Variants in JRK observed in about 807,000 individuals in gnomAD.
JRK encodes jerky protein homolog.
For missense variants in JRK, 720 were observed against 509.2 expected, an observed-to-expected ratio of 1.41 and a Z score of -3.98; for synonymous variants, 303 against 218.1, an observed-to-expected ratio of 1.39 and a Z score of -3.43.
rs782472721 is a variant in JRK, at chr8:142,662,764, G to A, written c.*1588C>T. 9.3e-5 allele frequency: 92 copies of A among 985,460 alleles called. No homozygotes were observed. Among genetic ancestry groups the A allele is most frequent in the South Asian group, 3.8e-4 (8 of 21,292 alleles). 61.0% of individuals were successfully genotyped at this position (985,460 alleles called of 1,614,324 possible). ...AACAGAGGTTTCAGTGGAATCAACA[G>A]CAGACGCTGGAATGCAAACTACGTG... On this transcript the variant is annotated 3_prime_UTR_variant, in exon 2 of 2. Transcript: ENST00000612905.
At chr8:142,649,393 T>C in the JRK span, among the ~76,000 whole-genome samples, 5 of 152,150 alleles carry the variant, frequency 3.3e-5, no homozygotes, top group African/African-American at 1.2e-4. Context: ...GGAAAGTCTT[T>C]CCCATGCTTT....
chr8:142,663,415 T>C lies in JRK; in HGVS notation c.*937A>G, dbSNP rs587598113. ...CTGGGGATAAGAGCACACATACTGC[T>C]AGAAATCTAAGCAGCCTGTTTTACT... On this transcript the variant is annotated 3_prime_UTR_variant, in exon 2 of 2. Transcript: ENST00000612905. The C allele has an allele frequency of 3.0e-6, 3 of 985,362 alleles. No individual in the cohort carries two copies. The highest frequency in any genetic ancestry group is 3.6e-6 in the Non-Finnish European group (3 of 829,956). 61.0% of individuals were successfully genotyped at this position (985,362 alleles called of 1,614,324 possible). A position where few individuals can be genotyped will look rare whatever the true frequency, so the allele number is the denominator to read the frequency against.
At position 142,664,610 on chromosome 8, in the gene JRK, C is replaced by A. The variant is rs1388318631; in HGVS notation, c.1449G>T (p.Glu483Asp). 1.9e-6 allele frequency: 3 copies of A among 1,610,032 alleles called. No individual in the cohort carries two copies. The Admixed American group carries it at 5.0e-5, about 27-fold the overall frequency. The change falls in exon 2 of 2, where the codon GAG becomes GAT. Residue 483 changes from glutamate to aspartate, a missense_variant. Physicochemically the swap from Glu to Asp is conservative, Grantham distance 45. Transcript: ENST00000612905. ...CGGCCGCCTGCTCCCAGGCCACCTC[C>A]TCGCCCTCACCAGGATCTCCTCTGC... is the stretch of plus-strand genomic sequence containing the variant. ...QDGRGDPGEG[E>D]EVAWEQAAVA...
rs59300327 is a variant in JRK, at chr8:142,669,163, A to AGTGTGTGTGTGTGT, written c.-463+755_-463+768dup. ...CGGGAAACAACCTTCGCAGGGGCATAGTGTGTGTGTGTGTGTGTGTGTGTG... is the reference window on the plus strand; with the variant it reads ...CGGGAAACAACCTTCGCAGGGGCATAGTGTGTGTGTGTGTGTGTGTGTGTGTGTGTGTGTGTGTG... On this transcript the variant is annotated intron_variant, in intron 1 of 1. Coordinates refer to ENST00000612905, the MANE Select transcript of JRK (RefSeq NM_003724.4). 4.0e-4 allele frequency among the ~76,000 whole-genome samples: 54 copies of AGTGTGTGTGTGTGT among 136,208 alleles called. No homozygotes were observed. The East Asian group carries it at 5.9e-3, about 15-fold the overall frequency. 89.4% of individuals were successfully genotyped at this position (136,208 alleles called of 152,430 possible).
At position 142,660,583 on chromosome 8, in the gene JRK, G is replaced by A. The variant is rs2129706292; in HGVS notation, c.*3769C>T. Reference sequence around the variant, plus strand: ...CCTGGCTCATTTTCTTTTACTTTCTGTAGAGATGGGGTCTCCCTATGTTGC... The same window carrying A: ...CCTGGCTCATTTTCTTTTACTTTCTATAGAGATGGGGTCTCCCTATGTTGC... On this transcript the variant is annotated 3_prime_UTR_variant, in exon 2 of 2. Transcript: ENST00000612905. 3 of 719,694 alleles carry A rather than the reference G, an allele frequency of 4.2e-6. No individual in the cohort carries two copies. Among genetic ancestry groups the A allele is most frequent in the African/African-American group, 2.0e-5 (1 of 51,216 alleles). The allele number at this position is 719,694 out of a possible 1,614,324, so 44.6% of individuals were successfully genotyped here. A position where few individuals can be genotyped will look rare whatever the true frequency, so the allele number is the denominator to read the frequency against.
the JRK span, among the ~76,000 whole-genome samples, chr8:142,649,330 T>G: frequency 2.0e-5 from 3 of 152,200 alleles, no homozygotes; most frequent in African/African-American, 7.2e-5. Flanking sequence ...AAACTCATCG[T>G]GAATTCCCAC....
At chr8:142,646,796 G>A in the JRK span, among the ~76,000 whole-genome samples, 2 of 152,098 alleles carry the variant, frequency 1.3e-5, no homozygotes, top group Non-Finnish European at 2.9e-5. Context: ...TATATTTTCA[G>A]TAGTGAAACA....
At chr8:142,669,468 C>G (rs1190176693) in intron 1 of JRK, among the ~76,000 whole-genome samples, 1 of 152,172 alleles carries the variant, frequency 6.6e-6, no homozygotes, top group East Asian at 1.9e-4. Context: ...GCGTCCGTAC[C>G]CCAGGGTCCC....
In JRK at chr8:142,659,598, A is replaced by G; in HGVS notation, c.*4754T>C. 1.0e-6 allele frequency: 1 copy of G among 985,578 alleles called. No homozygotes were observed. Among genetic ancestry groups the G allele is most frequent in the Non-Finnish European group, 1.2e-6 (1 of 830,020 alleles). The allele number at this position is 985,578 out of a possible 1,614,324, so 61.1% of individuals were successfully genotyped here. On this transcript the variant is annotated 3_prime_UTR_variant, in exon 2 of 2. Coordinates refer to ENST00000612905, the MANE Select transcript of JRK (RefSeq NM_003724.4). ...CGTGCTGCCTAAGAGACCAGGACCC[A>G]GCAGGGGCCATACCCAGATTCAGAG...
In JRK at chr8:142,664,743, C is replaced by G; in HGVS notation, c.1316G>C (p.Ser439Thr). Residue 439 changes from serine to threonine, a missense_variant, in exon 2 of 2, where the codon AGC (serine) becomes ACC (threonine). Ser to Thr is a moderately conservative substitution (Grantham distance 58). Coordinates refer to ENST00000612905, the MANE Select transcript of JRK (RefSeq NM_003724.4). ...TGCCTCCCTTCCCGCTACCCCCCAG[C>G]TGGCGGCCTGGCGCTGGCGAAGCTG... ...PGQLRQRQAA[S>T]WGVAGREAEG... The G allele has an allele frequency of 6.3e-7, 1 of 1,594,530 alleles. No homozygotes were observed. Among genetic ancestry groups the G allele is most frequent in the Non-Finnish European group, 8.5e-7 (1 of 1,171,268 alleles).
In JRK at chr8:142,664,792, T is replaced by G; in HGVS notation, c.1267A>C (p.Lys423Gln). Residue 423 changes from lysine to glutamine, a missense_variant, in exon 2 of 2, where the codon AAG (lysine) becomes CAG (glutamine). Transcript: ENST00000612905. ...TGGCCCGGGCAGGAGGAGCCTTCCTTCACAAGCTCCAGGATGTGTGCAAAG... is the reference window on the plus strand; with the variant it reads ...TGGCCCGGGCAGGAGGAGCCTTCCTGCACAAGCTCCAGGATGTGTGCAAAG... The part of the protein sequence containing the change: ...KSFAHILELV[K>Q]EGSSCPGQLR... 1 of 1,593,038 alleles carries G rather than the reference T, an allele frequency of 6.3e-7. No individual in the cohort carries two copies. Among genetic ancestry groups the G allele is most frequent in the East Asian group, 2.3e-5 (1 of 43,896 alleles).
Position 142,663,403 on chromosome 8 carries a change from C to T in JRK, c.*949G>A, listed in dbSNP as rs587651043. 2 of 985,504 alleles carry T rather than the reference C, an allele frequency of 2.0e-6. No homozygotes were observed. The highest frequency in any genetic ancestry group is 1.7e-5 in the African/African-American group (1 of 57,374). 61.0% of individuals were successfully genotyped at this position (985,504 alleles called of 1,614,324 possible). A position where few individuals can be genotyped will look rare whatever the true frequency, so the allele number is the denominator to read the frequency against. Reference sequence around the variant, plus strand: ...ACGTGCTAACAGCTGGGGATAAGAGCACACATACTGCTAGAAATCTAAGCA... The same window carrying T: ...ACGTGCTAACAGCTGGGGATAAGAGTACACATACTGCTAGAAATCTAAGCA... On this transcript the variant is annotated 3_prime_UTR_variant, in exon 2 of 2. Coordinates refer to ENST00000612905, the MANE Select transcript of JRK (RefSeq NM_003724.4).
chr8:142,655,134 T>C (rs1346209996), downstream of JRK, among the ~76,000 whole-genome samples: 2 of 152,154 alleles, frequency 1.3e-5, no homozygotes, highest in African/African-American at 2.4e-5. Context: ...AGATGGGTCC[T>C]AGTAGTGCCA....
chr8:142,658,773 A>G lies in JRK; in HGVS notation c.*5579T>C. On this transcript the variant is annotated 3_prime_UTR_variant, in exon 2 of 2. Transcript: ENST00000612905. Reference sequence around the variant, plus strand: ...TCATGGAGATGGAGGCCACAGACCTACCAACACCCATAACCTCAAGGGCAC... The same window carrying G: ...TCATGGAGATGGAGGCCACAGACCTGCCAACACCCATAACCTCAAGGGCAC... 1 of 1,544,880 alleles carries G rather than the reference A, an allele frequency of 6.5e-7. No homozygotes were observed. The highest frequency in any genetic ancestry group is 8.7e-7 in the Non-Finnish European group (1 of 1,143,668).
At position 142,658,037 on chromosome 8, in the gene JRK, A is replaced by G. The variant is rs1846795309; in HGVS notation, c.*6315T>C. On this transcript the variant is annotated 3_prime_UTR_variant, in exon 2 of 2. Coordinates refer to ENST00000612905, the MANE Select transcript of JRK (RefSeq NM_003724.4). ...CGTATTTATTGCCTCTGTCCGGGTCATGGTGGGCAGGTGGGTCTGCCTCCC... is the reference window on the plus strand; with the variant it reads ...CGTATTTATTGCCTCTGTCCGGGTCGTGGTGGGCAGGTGGGTCTGCCTCCC... The G allele has an allele frequency of 6.6e-6, 1 of 152,292 alleles. No homozygotes were observed. The highest frequency in any genetic ancestry group is 2.1e-4 in the South Asian group (1 of 4,838). The allele number at this position is 152,292 out of a possible 1,614,324, so 9.4% of individuals were successfully genotyped here.
chr8:142,662,958 A>G lies in JRK; in HGVS notation c.*1394T>C. 1 of 749,968 alleles carries G rather than the reference A, an allele frequency of 1.3e-6. No individual in the cohort carries two copies. The highest frequency in any genetic ancestry group is 1.6e-6 in the Non-Finnish European group (1 of 615,264). The allele number at this position is 749,968 out of a possible 1,614,324, so 46.5% of individuals were successfully genotyped here. A position where few individuals can be genotyped will look rare whatever the true frequency, so the allele number is the denominator to read the frequency against. On this transcript the variant is annotated 3_prime_UTR_variant, in exon 2 of 2. Transcript: ENST00000612905. ...GAGGATCGCTTGAGGCCAAGAGTTC[A>G]AGACCAGCCTGGGCAACACAGTGAG...
chr8:142,651,304 T>G, the JRK span, among the ~76,000 whole-genome samples: 1 of 152,106 alleles, frequency 6.6e-6, no homozygotes. Flanking sequence ...ATTACCATAT[T>G]GCAGCTAGGA....
the JRK span, among the ~76,000 whole-genome samples, chr8:142,651,928 A>G: frequency 6.6e-6 from 1 of 151,842 alleles, no homozygotes; most frequent in Non-Finnish European, 1.5e-5. Context: ...CAAACTCCAT[A>G]AAGGAGTTAC....
At position 142,658,685 on chromosome 8, in the gene JRK, G is replaced by T; in HGVS notation, c.*5667C>A. The T allele has an allele frequency of 8.2e-7, 1 of 1,226,510 alleles. No individual in the cohort carries two copies. The highest frequency in any genetic ancestry group is 1.1e-6 in the Non-Finnish European group (1 of 923,088). The allele number at this position is 1,226,510 out of a possible 1,614,324, so 76.0% of individuals were successfully genotyped here. ...CACCTCCTAATACCACCCTCCTGGG[G>T]GTCAGGGTTTCAACATATAAACTTT... On this transcript the variant is annotated 3_prime_UTR_variant, in exon 2 of 2. Transcript: ENST00000612905.
Sources: gnomAD v4.1 joint callset for allele counts (sites outside exome capture counted in the v4.1 genomes callset) on GRCh38, gnomAD v4.1.1 for gene constraint, MANE v1.5 for transcripts, NCBI Gene and HGNC (gene_info 2026-07-23, HGNC 2026-07-21) for gene names.